KAT6B: variants seen among roughly 807,000 people sequenced by gnomAD.
The protein encoded by KAT6B is lysine acetyltransferase 6B, also known as histone acetyltransferase KAT6B.
KAT6B carries 10 observed loss-of-function variants against 187.5 expected under a neutral mutation model. The ratio of observed to expected loss-of-function variants is 0.05; its 90% confidence interval spans 0.03 to 0.09. The LOEUF (loss-of-function observed/expected upper bound fraction) is 0.09. Among genes scored for constraint, KAT6B ranks in the 10% least tolerant of loss-of-function variants. KAT6B has a pLI of 1.00. For missense variants in KAT6B, 1,952 were observed against 2,558.9 expected (o/e 0.76, Z 5.12); for synonymous variants, 861 against 926.8 (o/e 0.93, Z 1.29).
intron 3 of KAT6B, among the ~76,000 whole-genome samples, chr10:74,899,291 T>TTA (rs1846218901): frequency 4.4e-5 from 4 of 89,930 alleles, no homozygotes; most frequent in Non-Finnish European, 1.2e-4. Flanking sequence ...TATTATTATT[T>TTA]GAGACGGAGT....
At position 74,883,676 on chromosome 10, in the gene KAT6B, G is replaced by A. The variant is rs539540491; in HGVS notation, c.621+40198G>A. ...AGCTCACTTTATGATTATACAGTGT[G>A]GTGGCCAGCCCAGAGGGAACATCAC... is the stretch of plus-strand genomic sequence containing the variant. On this transcript the variant is annotated intron_variant, in intron 3 of 17. Coordinates refer to ENST00000287239, the MANE Select transcript of KAT6B (RefSeq NM_012330.4). Among the ~76,000 whole-genome samples, 14 of 152,266 alleles carry A rather than the reference G, an allele frequency of 9.2e-5. No individual in the cohort carries two copies. In the East Asian group the frequency reaches 2.5e-3, roughly 27 times the overall value.
At chr10:75,024,902 C>T in intron 16 of KAT6B, 56 bp from the exon 17 acceptor site, 2 of 1,540,502 alleles carry the variant, frequency 1.3e-6, no homozygotes, top group Non-Finnish European at 1.8e-6. Context: ...TGCATATCGA[C>T]TCAACCATTT....
chr10:74,966,152 C>T (rs996693901), intron 4 of KAT6B, among the ~76,000 whole-genome samples: 3 of 152,174 alleles, frequency 2.0e-5, no homozygotes, highest in African/African-American at 7.2e-5. Flanking sequence ...GGCTTGCAGC[C>T]CCCTCCCCAT....
At chr10:74,968,254 G>A (rs1419962987) in intron 4 of KAT6B, among the ~76,000 whole-genome samples, 1 of 152,152 alleles carries the variant, frequency 6.6e-6, no homozygotes, top group Admixed American at 6.5e-5. Flanking sequence ...GCATTCATTT[G>A]AATGAGAGAA....
chr10:74,926,892 G>A (rs926498896), intron 3 of KAT6B, among the ~76,000 whole-genome samples: 1 of 152,192 alleles, frequency 6.6e-6, no homozygotes, highest in African/African-American at 2.4e-5. Flanking sequence ...AGTCAGCTCT[G>A]TGTCAATCCT....
At chr10:74,897,629 A>C (rs1040686996) in intron 3 of KAT6B, among the ~76,000 whole-genome samples, 16 of 152,216 alleles carry the variant, frequency 1.1e-4, no homozygotes, top group Admixed American at 2.0e-4. Flanking sequence ...ACAGAATATA[A>C]AAGATGGGGC....
At chr10:74,834,894 T>G (rs553472504) in intron 1 of KAT6B, among the ~76,000 whole-genome samples, 1 of 152,348 alleles carries the variant, frequency 6.6e-6, no homozygotes, top group East Asian at 1.9e-4. Flanking sequence ...CCCTTTTGTT[T>G]GACAGCTCAT....
Position 74,903,615 on chromosome 10 carries a change from C to T in KAT6B, c.622-56355C>T, listed in dbSNP as rs1846551648. On this transcript the variant is annotated intron_variant, in intron 3 of 17. Coordinates refer to ENST00000287239, the MANE Select transcript of KAT6B (RefSeq NM_012330.4). ...CTTGGAGGTGAATTTTTCCTAAGAGCTCATGGATAAGAGCAGAGTCTGGCT... is the reference window on the plus strand; with the variant it reads ...CTTGGAGGTGAATTTTTCCTAAGAGTTCATGGATAAGAGCAGAGTCTGGCT... Among the ~76,000 whole-genome samples, 3 of 152,298 alleles carry T rather than the reference C, an allele frequency of 2.0e-5. No homozygotes were observed. The South Asian group carries it at 6.2e-4, about 32-fold the overall frequency.
At chr10:75,008,610 A>G (rs1407143566) in intron 13 of KAT6B, among the ~76,000 whole-genome samples, 1 of 152,226 alleles carries the variant, frequency 6.6e-6, no homozygotes, top group Non-Finnish European at 1.5e-5. Flanking sequence ...CTACCAAAGC[A>G]GAAGATGCTC....
At chr10:74,871,500 G>A (rs759498516) in intron 3 of KAT6B, among the ~76,000 whole-genome samples, 12 of 152,086 alleles carry the variant, frequency 7.9e-5, no homozygotes, top group Non-Finnish European at 1.8e-4. Context: ...GCCCTCATAT[G>A]GTTTATGAGT....
chr10:74,866,846 A>C (rs1044694890), intron 3 of KAT6B, among the ~76,000 whole-genome samples: 3 of 152,180 alleles, frequency 2.0e-5, no homozygotes, highest in Non-Finnish European at 4.4e-5. Flanking sequence ...AAAGGGAACA[A>C]GTTTCTCATT....
At chr10:74,843,674 A>G (rs1841906315) in intron 3 of KAT6B, among the ~76,000 whole-genome samples, 196 bp downstream of exon 3, 1 of 152,230 alleles carries the variant, frequency 6.6e-6, no homozygotes, top group African/African-American at 2.4e-5. Context: ...TGGTTGGCCA[A>G]GAATTTAATG....
chr10:74,969,813 G>C (rs777847132), intron 5 of KAT6B, 38 bp downstream of exon 5: 1 of 1,413,446 alleles, frequency 7.1e-7, no homozygotes, highest in African/African-American at 1.4e-5. Context: ...CAGGTAACTC[G>C]CTAATTTCCA....
At chr10:74,991,016 G>C (rs190519899) in intron 13 of KAT6B, among the ~76,000 whole-genome samples, 1 of 151,906 alleles carries the variant, frequency 6.6e-6, no homozygotes, top group Non-Finnish European at 1.5e-5. Context: ...CCTAGACTCC[G>C]TCTGTTCAAA....
intron 3 of KAT6B, among the ~76,000 whole-genome samples, chr10:74,894,974 A>G (rs1259091453): frequency 1.3e-5 from 2 of 151,998 alleles, no homozygotes; most frequent in Non-Finnish European, 2.9e-5. Flanking sequence ...GGAGCCGCCA[A>G]ACTGTTCTTT....
chr10:74,934,570 G>A (rs945443640), intron 3 of KAT6B, among the ~76,000 whole-genome samples: 1 of 152,040 alleles, frequency 6.6e-6, no homozygotes, highest in Non-Finnish European at 1.5e-5. Context: ...CATCAGAATC[G>A]ATCACCAGCA....
chr10:74,841,378 C>T (rs1193429282), intron 2 of KAT6B, among the ~76,000 whole-genome samples: 1 of 152,092 alleles, frequency 6.6e-6, no homozygotes, highest in African/African-American at 2.4e-5. Flanking sequence ...CCAGCCTGGC[C>T]AAAATGGCAA....
At chr10:74,830,755 T>C (rs1840730503) in intron 1 of KAT6B, among the ~76,000 whole-genome samples, 1 of 30,854 alleles carries the variant, frequency 3.2e-5, no homozygotes, top group Middle Eastern at 7.5e-3. Context: ...TATATATATA[T>C]ATATATATAT....
In KAT6B at chr10:74,828,123, A is replaced by T. The variant is rs150451531; in HGVS notation, c.-329+1338A>T. Reference sequence around the variant, plus strand: ...GGCAGAGTGCAGGGAGTGGTAGGAGATGACCAGGCAAAGGCAGAGGAGGGG... The same window carrying T: ...GGCAGAGTGCAGGGAGTGGTAGGAGTTGACCAGGCAAAGGCAGAGGAGGGG... On this transcript the variant is annotated intron_variant, in intron 1 of 17. Transcript: ENST00000287239. Among the ~76,000 whole-genome samples the T allele has an allele frequency of 2.0e-5, 3 of 152,258 alleles. No homozygotes were observed. In the East Asian group the frequency reaches 5.8e-4, roughly 29 times the overall value.
Sources: gnomAD v4.1 joint callset for allele counts (sites outside exome capture counted in the v4.1 genomes callset) on GRCh38, gnomAD v4.1.1 for gene constraint, MANE v1.5 for transcripts, NCBI Gene and HGNC (gene_info 2026-07-23, HGNC 2026-07-21) for gene names.